The following NUB1 variants were observed in gnomAD, a reference collection of about 807,000 sequenced individuals.
NUB1 encodes negative regulator of ubiquitin like proteins 1.
Under a neutral mutation model 77.1 loss-of-function variants are expected in NUB1, and 41 were observed. The observed-to-expected ratio is 0.53, with a 90% CI of 0.41 to 0.69. The LOEUF is 0.69. NUB1 is among the 30% of genes least tolerant of loss of function. The pLI is 0.00. For synonymous variants in NUB1, 257 were observed against 281.0 expected (o/e 0.91, Z 0.85); for missense variants, 643 against 743.8 (o/e 0.86, Z 1.58).
intron 14 of NUB1, 117 bp from the exon 15 acceptor site, chr7:151,376,930 C>A: frequency 1.4e-6 from 2 of 1,413,062 alleles, no homozygotes; most frequent in South Asian, 2.9e-5. Flanking sequence ...CGTCACCGGG[C>A]CGGCCACCTG....
At chr7:151,376,386 C>A (rs1798250767) in intron 13 of NUB1, 1 of 524,720 alleles carries the variant, frequency 1.9e-6, no homozygotes, top group Admixed American at 3.4e-5. Context: ...TGGCGCCCTG[C>A]TCTCAGCCCG....
chr7:151,374,140 G>T lies in NUB1; in HGVS notation c.1292G>T (p.Arg431Leu). 6.4e-7 allele frequency: 1 copy of T among 1,572,492 alleles called. No individual in the cohort carries two copies. The highest frequency in any genetic ancestry group is 1.9e-5 in the Admixed American group (1 of 53,498). ...AAGGAGGAAAAAGAGAAGAAAAGACGCCGCCTCGAGAACATCAGGTTTCTG... is the reference window on the plus strand; with the variant it reads ...AAGGAGGAAAAAGAGAAGAAAAGACTCCGCCTCGAGAACATCAGGTTTCTG... ...IRKEEKEKKR[R>L]RLENIRFLKG... The change falls in exon 12 of 15, where the codon CGC becomes CTC. Residue 431 changes from arginine to leucine, a missense_variant. Transcript: ENST00000568733.
chr7:151,374,107 A>G lies in NUB1; in HGVS notation c.1259A>G (p.Gln420Arg). 6.4e-7 allele frequency: 1 copy of G among 1,559,464 alleles called. No individual in the cohort carries two copies. The highest frequency in any genetic ancestry group is 8.7e-7 in the Non-Finnish European group (1 of 1,151,960). Residue 420 changes from glutamine to arginine, a missense_variant, in exon 12 of 15, where the codon CAA (glutamine) becomes CGA (arginine). By Grantham distance (43) the Gln-to-Arg change is conservative. Coordinates refer to ENST00000568733, the MANE Select transcript of NUB1 (RefSeq NM_001243351.2). ...HITNRREELA[Q>R]IRKEEKEKKR... ...GCTGTTTTCCTAAAGGAACTGGCCC[A>G]AATAAGGAAGGAGGAAAAAGAGAAG...
intron 1 of NUB1, among the ~76,000 whole-genome samples, chr7:151,342,174 T>A (rs920739842): frequency 6.6e-6 from 1 of 152,234 alleles, no homozygotes; most frequent in Non-Finnish European, 1.5e-5. Context: ...AATGCTATAC[T>A]TGAATCGTAA....
chr7:151,360,305 A>G (rs1227339641), intron 8 of NUB1, 58 bp downstream of exon 8: 2 of 877,504 alleles, frequency 2.3e-6, no homozygotes, highest in Non-Finnish European at 1.9e-6. Context: ...CAGACTATAC[A>G]GAACACCCTG....
chr7:151,361,537 A>T (rs406624), intron 8 of NUB1, among the ~76,000 whole-genome samples: 97,109 of 152,160 alleles, frequency 0.64, 32,821 homozygotes, highest in East Asian at 0.9. Context: ...AGAGACTATG[A>T]TGCAGACATA....
At chr7:151,368,030 A>AAATCCTTAACTTCT in intron 10 of NUB1, 62 bp downstream of exon 10, 5 of 1,003,190 alleles carry the variant, frequency 5.0e-6, no homozygotes, top group Non-Finnish European at 7.5e-6. Context: ...CCAGAAGTTA[A>AAATCCTTAACTTCT]GGATTTTAAC....
At position 151,341,859 on chromosome 7, in the gene NUB1, C is replaced by A; in HGVS notation, c.-3+13C>A. ...TGGCGTGGCGCAGGTGAGGACACGG[C>A]GGCCGAGTGTCCTCGACCCCAGCCT... On this transcript the variant is annotated intron_variant, in intron 1 of 14. Transcript: ENST00000568733. 6.7e-7 allele frequency: 1 copy of A among 1,496,906 alleles called. No individual in the cohort carries two copies. The highest frequency in any genetic ancestry group is 8.8e-7 in the Non-Finnish European group (1 of 1,132,490). The allele number at this position is 1,496,906 out of a possible 1,614,324, so 92.7% of individuals were successfully genotyped here. A position where few individuals can be genotyped will look rare whatever the true frequency, so the allele number is the denominator to read the frequency against.
At chr7:151,348,856 T>C (rs1445642391) in intron 2 of NUB1, among the ~76,000 whole-genome samples, 1 of 152,176 alleles carries the variant, frequency 6.6e-6, no homozygotes, top group Non-Finnish European at 1.5e-5. Flanking sequence ...ATTACAGGCA[T>C]GAGCCACCGC....
rs1303997901 is a variant in NUB1, at chr7:151,367,090, T to TA, written c.953dup (p.Tyr318Ter). 6.2e-7 allele frequency: 1 copy of TA among 1,613,732 alleles called. No individual in the cohort carries two copies. Among genetic ancestry groups the TA allele is most frequent in the Non-Finnish European group, 8.5e-7 (1 of 1,179,848 alleles). The change falls in exon 9 of 15, where the codon TAC becomes TAAC. Residue 318 changes from tyrosine to a stop codon, truncating the protein, a stop_gained and frameshift_variant. Coordinates refer to ENST00000568733, the MANE Select transcript of NUB1 (RefSeq NM_001243351.2). LOFTEE classifies it high-confidence loss of function. ...GGCCCAGAAATGCTTTAAAAATTGT[T>TA]ACGGAGAAAATCATCAGAGACTGGT... ...NLAQKCFKNCYGENHQRLVHI... is the reference protein window; with the variant it reads ...NLAQKCFKNC
intron 13 of NUB1, 32 bp from the exon 14 acceptor site, chr7:151,376,602 G>T (rs1279138986): frequency 6.4e-7 from 1 of 1,568,568 alleles, no homozygotes; most frequent in Admixed American, 1.8e-5. Context: ...GGCGCCAGGG[G>T]CTGATGCTGT....
chr7:151,352,575 T>G (rs905022451), intron 4 of NUB1, among the ~76,000 whole-genome samples: 1 of 152,150 alleles, frequency 6.6e-6, no homozygotes, highest in African/African-American at 2.4e-5. Flanking sequence ...CCCAAGCAGC[T>G]AGGGCCACAG....
rs539226134 is a variant in NUB1 at position 151,368,388 on chromosome 7, C to T, written c.1096-347C>T. ...CGCTGTGGCTGCATGCCATTGACTT[C>T]GACTTCACTACCTGGCTACACCCAG... On this transcript the variant is annotated intron_variant, in intron 10 of 14. Transcript: ENST00000568733. Among the ~76,000 whole-genome samples the T allele has an allele frequency of 3.3e-5, 5 of 152,306 alleles. 1 individual carries two copies. In the East Asian group the frequency reaches 9.6e-4, roughly 29 times the overall value.
intron 1 of NUB1, among the ~76,000 whole-genome samples, chr7:151,344,141 A>G (rs1303385457): frequency 8.3e-6 from 1 of 120,142 alleles, no homozygotes; most frequent in Non-Finnish European, 1.7e-5. Flanking sequence ...AGATTGTACC[A>G]CTGCACTCTA....
At chr7:151,352,082 G>T (rs767582674) in intron 4 of NUB1, 5 of 456,520 alleles carry the variant, frequency 1.1e-5, no homozygotes, top group South Asian at 7.7e-5. Context: ...TCCTTCTTTG[G>T]TCTACATCAG....
intron 11 of NUB1, among the ~76,000 whole-genome samples, chr7:151,371,898 G>A (rs1797975983): frequency 6.6e-6 from 1 of 152,066 alleles, no homozygotes; most frequent in African/African-American, 2.4e-5. Context: ...GTAGAAATGG[G>A]GTCTCACCAT....
At chr7:151,353,271 G>A (rs1796902902) in intron 5 of NUB1, among the ~76,000 whole-genome samples, 1 of 152,188 alleles carries the variant, frequency 6.6e-6, no homozygotes, top group Non-Finnish European at 1.5e-5. Context: ...GCACTATGGT[G>A]TGAATTTGAG....
chr7:151,367,238 T>G, intron 9 of NUB1, 113 bp downstream of exon 9: 2 of 767,476 alleles, frequency 2.6e-6, no homozygotes, highest in Non-Finnish European at 4.2e-6. Flanking sequence ...TTGATAGTAG[T>G]ATGCAGTATA....
chr7:151,377,842 A>G lies in NUB1; in HGVS notation c.*617A>G, dbSNP rs1334262291. Reference sequence around the variant, plus strand: ...CGCCAGTGTTTTATGCTCTTAGTTCAGTAAAATACGCCCCCGAAATTCAAG... The same window carrying G: ...CGCCAGTGTTTTATGCTCTTAGTTCGGTAAAATACGCCCCCGAAATTCAAG... On this transcript the variant is annotated 3_prime_UTR_variant, in exon 15 of 15. Transcript: ENST00000568733. 1 of 152,248 alleles carries G rather than the reference A, an allele frequency of 6.6e-6. No individual in the cohort carries two copies. Among genetic ancestry groups the G allele is most frequent in the Non-Finnish European group, 1.5e-5 (1 of 68,046 alleles). 9.4% of individuals were successfully genotyped at this position (152,248 alleles called of 1,614,324 possible).
Sources: gnomAD v4.1 joint callset for allele counts (sites outside exome capture counted in the v4.1 genomes callset) on GRCh38, gnomAD v4.1.1 for gene constraint, MANE v1.5 for transcripts, NCBI Gene and HGNC (gene_info 2026-07-23, HGNC 2026-07-21) for gene names.